Variants in KCNH7 observed in about 807,000 individuals in gnomAD.
KCNH7 encodes the protein potassium voltage-gated channel subfamily H member 7.
KCNH7 carries 49 observed loss-of-function variants against 120.8 expected under a neutral mutation model. The observed-to-expected ratio is 0.41, with a 90% CI of 0.32 to 0.51. KCNH7 has a LOEUF of 0.51. Among genes scored for constraint, KCNH7 ranks in the 20% least tolerant of loss-of-function variants. KCNH7 has a pLI of 0.38. For missense variants in KCNH7, 1,097 were observed against 1,446.6 expected, an observed-to-expected ratio of 0.76 and a Z score of 3.92; for synonymous variants, 547 against 516.1, an observed-to-expected ratio of 1.06 and a Z score of -0.81.
intron 2 of KCNH7, among the ~76,000 whole-genome samples, chr2:162,696,410 G>A (rs2105336038): frequency 6.6e-6 from 1 of 152,218 alleles, no homozygotes; most frequent in Middle Eastern, 3.4e-3. Flanking sequence ...ATCATCCCGA[G>A]TCCTTCGAAA....
chr2:162,661,554 C>A (rs968554527), intron 2 of KCNH7, among the ~76,000 whole-genome samples: 1 of 152,090 alleles, frequency 6.6e-6, no homozygotes, highest in African/African-American at 2.4e-5. Context: ...GGCGTAAAAA[C>A]CCTAAACGTT....
intron 12 of KCNH7, among the ~76,000 whole-genome samples, chr2:162,389,313 CA>C: frequency 6.6e-6 from 1 of 152,006 alleles, no homozygotes; most frequent in East Asian, 1.9e-4. Flanking sequence ...AGGAAAAGCT[CA>C]GCATTCTTTA....
chr2:162,420,914 G>A (rs1687684398), intron 9 of KCNH7, among the ~76,000 whole-genome samples: 1 of 151,956 alleles, frequency 6.6e-6, no homozygotes, highest in Non-Finnish European at 1.5e-5. Context: ...TTCAAGTGTG[G>A]TTTTGGAGGT....
intron 2 of KCNH7, among the ~76,000 whole-genome samples, chr2:162,769,286 C>T (rs1341814324): frequency 1.3e-5 from 2 of 152,116 alleles, no homozygotes; most frequent in Non-Finnish European, 2.9e-5. Context: ...TGCAAGCTCC[C>T]TAGAAGGTAT....
At chr2:162,716,851 G>A (rs1204283734) in intron 2 of KCNH7, among the ~76,000 whole-genome samples, 1 of 152,016 alleles carries the variant, frequency 6.6e-6, no homozygotes, top group African/African-American at 2.4e-5. Context: ...ATCTTGGAAG[G>A]TATTCTGTGA....
chr2:162,689,035 A>T (rs540199664), intron 2 of KCNH7, among the ~76,000 whole-genome samples: 1 of 152,136 alleles, frequency 6.6e-6, no homozygotes, highest in Admixed American at 6.6e-5. Context: ...CAATTGCCCA[A>T]GTCACTTTCT....
At chr2:162,528,098 C>T (rs981918211) in intron 3 of KCNH7, 2 of 151,772 alleles carry the variant, frequency 1.3e-5, no homozygotes, top group Non-Finnish European at 2.9e-5. Context: ...CTGAGTAATG[C>T]CCATTCAGTA....
At chr2:162,740,760 C>A (rs1277005603) in intron 2 of KCNH7, among the ~76,000 whole-genome samples, 3 of 152,194 alleles carry the variant, frequency 2.0e-5, no homozygotes, top group African/African-American at 7.2e-5. Flanking sequence ...ACTCCTTGAA[C>A]TTTCTGCTCT....
chr2:162,718,959 A>G (rs1459734024), intron 2 of KCNH7, among the ~76,000 whole-genome samples: 1 of 152,004 alleles, frequency 6.6e-6, no homozygotes, highest in Non-Finnish European at 1.5e-5. Flanking sequence ...TTTCAGATGC[A>G]GAAAAGAATT....
chr2:162,418,853 T>C (rs948331155), intron 9 of KCNH7, among the ~76,000 whole-genome samples: 3 of 152,154 alleles, frequency 2.0e-5, no homozygotes, highest in Admixed American at 6.5e-5. Flanking sequence ...TTCTTTATTA[T>C]TCTCTGTTCC....
At chr2:162,645,980 C>T (rs1400828531) in intron 2 of KCNH7, among the ~76,000 whole-genome samples, 1 of 152,128 alleles carries the variant, frequency 6.6e-6, no homozygotes, top group Non-Finnish European at 1.5e-5. Flanking sequence ...TCTACAAAGG[C>T]ATAAATGAGT....
chr2:162,608,801 C>A (rs574509774), intron 2 of KCNH7, among the ~76,000 whole-genome samples: 1 of 152,128 alleles, frequency 6.6e-6, no homozygotes, highest in African/African-American at 2.4e-5. Flanking sequence ...ATACACCTGG[C>A]AATTCACTTA....
chr2:162,584,584 T>C (rs1020900522), intron 2 of KCNH7, among the ~76,000 whole-genome samples: 1 of 152,014 alleles, frequency 6.6e-6, no homozygotes, highest in Non-Finnish European at 1.5e-5. Flanking sequence ...CTATGGAAGG[T>C]TGGGGTGGAA....
intron 9 of KCNH7, among the ~76,000 whole-genome samples, chr2:162,408,391 C>T (rs140236358): frequency 2.9e-4 from 44 of 152,018 alleles, no homozygotes; most frequent in East Asian, 1.2e-3. Flanking sequence ...TTCAAAATAG[C>T]GGAAGTTATC....
chr2:162,423,319 A>G lies in KCNH7; in HGVS notation c.2154+17T>C, dbSNP rs868783940. 2.5e-6 allele frequency: 4 copies of G among 1,613,874 alleles called. No homozygotes were observed. The African/African-American group carries it at 4.0e-5, about 16-fold the overall frequency. ...AATGCCTGCGGCACTTTCATTTTGG[A>G]AAACAGACATACATACCATGTTCAT... On this transcript the variant is annotated intron_variant, in intron 9 of 15. Coordinates refer to ENST00000332142, the MANE Select transcript of KCNH7 (RefSeq NM_033272.4).
chr2:162,763,387 A>G (rs1243265498), intron 2 of KCNH7, among the ~76,000 whole-genome samples: 2 of 152,142 alleles, frequency 1.3e-5, no homozygotes, highest in African/African-American at 4.8e-5. Flanking sequence ...CCAAGTAGAT[A>G]TAGTTTGTTA....
intron 2 of KCNH7, among the ~76,000 whole-genome samples, chr2:162,612,122 A>G (rs1559043876): frequency 6.6e-6 from 1 of 152,220 alleles, no homozygotes; most frequent in Non-Finnish European, 1.5e-5. Context: ...CATTAATTTT[A>G]GACTCAGAAG....
At chr2:162,544,135 C>G (rs1692401001) in intron 2 of KCNH7, among the ~76,000 whole-genome samples, 1 of 151,970 alleles carries the variant, frequency 6.6e-6, no homozygotes, top group African/African-American at 2.4e-5. Flanking sequence ...AGTGATGAGG[C>G]CCTTGGTTTA....
intron 2 of KCNH7, among the ~76,000 whole-genome samples, chr2:162,827,253 T>G (rs1228864911): frequency 1.3e-5 from 2 of 152,046 alleles, no homozygotes; most frequent in South Asian, 2.1e-4. Flanking sequence ...AAATAAAACT[T>G]TCTTGTGGGA....
Sources: gnomAD v4.1 joint callset for allele counts (sites outside exome capture counted in the v4.1 genomes callset) on GRCh38, gnomAD v4.1.1 for gene constraint, MANE v1.5 for transcripts, NCBI Gene and HGNC (gene_info 2026-07-23, HGNC 2026-07-21) for gene names.